The following MTFR1 variants were observed in gnomAD, a reference collection of about 807,000 sequenced individuals.
MTFR1 encodes chondrocyte protein with a poly-proline region.
Under a neutral mutation model 38.8 loss-of-function variants are expected in MTFR1, and 28 were observed. That is an observed-to-expected ratio of 0.72 (90% CI 0.53 to 0.99). The LOEUF is 0.99. MTFR1 is among the 50% of genes least tolerant of loss of function. The pLI, the probability that MTFR1 is intolerant of heterozygous loss-of-function variation, is 0.00. For synonymous variants in MTFR1, 145 were observed against 137.0 expected, an observed-to-expected ratio of 1.06 and a Z score of -0.41; for missense variants, 358 against 395.5, an observed-to-expected ratio of 0.91 and a Z score of 0.81.
intron 2 of MTFR1, among the ~76,000 whole-genome samples, chr8:65,680,327 T>C (rs1804841995): frequency 6.6e-6 from 1 of 152,102 alleles, no homozygotes; most frequent in African/African-American, 2.4e-5. Context: ...CACCCCTGGC[T>C]AAGTTTCCAA....
chr8:65,732,887 A>C (rs1401233700), intron 3 of MTFR1, among the ~76,000 whole-genome samples: 1 of 151,464 alleles, frequency 6.6e-6, no homozygotes, highest in East Asian at 1.9e-4. Context: ...TCTTTTTTTG[A>C]ATAAAAGAGA....
At chr8:65,660,065 G>A (rs984676031) in intron 1 of MTFR1, among the ~76,000 whole-genome samples, 13 of 152,112 alleles carry the variant, frequency 8.5e-5, no homozygotes, top group African/African-American at 2.7e-4. Context: ...TGAGGCTGGT[G>A]GATCACCTGA....
chr8:65,675,831 C>A (rs1804694897), intron 2 of MTFR1, among the ~76,000 whole-genome samples: 1 of 152,148 alleles, frequency 6.6e-6, no homozygotes, highest in Non-Finnish European at 1.5e-5. Flanking sequence ...TTTCCCTCAA[C>A]ATTTGTTTGA....
At chr8:65,717,198 C>T (rs554999999) in intron 2 of MTFR1, among the ~76,000 whole-genome samples, 2 of 152,284 alleles carry the variant, frequency 1.3e-5, no homozygotes, top group Admixed American at 6.5e-5. Flanking sequence ...GACATCAACA[C>T]TCTTCTGTAC....
intron 1 of MTFR1, among the ~76,000 whole-genome samples, chr8:65,647,832 T>C (rs1809003760): frequency 6.6e-6 from 1 of 152,118 alleles, no homozygotes; most frequent in Non-Finnish European, 1.5e-5. Flanking sequence ...ACTATAATCC[T>C]ACCCTTTAAA....
downstream of MTFR1, among the ~76,000 whole-genome samples, chr8:65,714,950 A>G (rs1179144048): frequency 6.6e-6 from 1 of 152,204 alleles, no homozygotes; most frequent in Non-Finnish European, 1.5e-5. Context: ...TACAGTGAGT[A>G]CAAATATTGA....
chr8:65,736,713 G>A (rs1268218804), intron 3 of MTFR1, among the ~76,000 whole-genome samples: 2 of 151,424 alleles, frequency 1.3e-5, no homozygotes, highest in Non-Finnish European at 2.9e-5. Context: ...TCACGCCACT[G>A]CACTCAAGCC....
intron 3 of MTFR1, among the ~76,000 whole-genome samples, chr8:65,764,122 A>C (rs1397037902): frequency 2.0e-5 from 3 of 152,232 alleles, no homozygotes; most frequent in Non-Finnish European, 2.9e-5. Context: ...AATCTCTACA[A>C]GCACCACTTT....
At chr8:65,661,593 C>T (rs922258899) in intron 1 of MTFR1, among the ~76,000 whole-genome samples, 1 of 152,056 alleles carries the variant, frequency 6.6e-6, no homozygotes, top group Non-Finnish European at 1.5e-5. Context: ...CCTGGCACTG[C>T]ACTTCAGCCT....
intron 4 of MTFR1, among the ~76,000 whole-genome samples, chr8:65,699,318 T>C (rs1805543337): frequency 1.3e-5 from 2 of 152,198 alleles, no homozygotes; most frequent in Non-Finnish European, 2.9e-5. Flanking sequence ...CTTGTGTCCT[T>C]TTGGTTAGAA....
chr8:65,710,591 A>G (rs535159101), downstream of MTFR1: 1 of 152,320 alleles, frequency 6.6e-6, no homozygotes, highest in East Asian at 1.9e-4. Context: ...TTCTTTTTTC[A>G]CAATAGGTAA....
chr8:65,688,233 C>A (rs1805156985), intron 3 of MTFR1, among the ~76,000 whole-genome samples: 2 of 151,196 alleles, frequency 1.3e-5, no homozygotes, highest in African/African-American at 4.9e-5. Flanking sequence ...AACCTCAACT[C>A]TATTAAAAAT....
At chr8:65,681,125 G>T (rs1487331885) in intron 2 of MTFR1, among the ~76,000 whole-genome samples, 3 of 151,534 alleles carry the variant, frequency 2.0e-5, no homozygotes, top group South Asian at 2.1e-4. Flanking sequence ...TGTTAGCCAG[G>T]ATGGTCTCGA....
Position 65,709,045 on chromosome 8 carries a change from T to C in MTFR1, c.*1T>C, listed in dbSNP as rs536677940. On this transcript the variant is annotated 3_prime_UTR_variant, in exon 8 of 8. Transcript: ENST00000262146. Reference sequence around the variant, plus strand: ...AATTGAAAATGTATCAGACTCCTAATAGACAATGAGCTGCGAAAAGACTCC... The same window carrying C: ...AATTGAAAATGTATCAGACTCCTAACAGACAATGAGCTGCGAAAAGACTCC... 29 of 1,613,908 alleles carry C rather than the reference T, an allele frequency of 1.8e-5. No individual in the cohort carries two copies. The African/African-American group carries it at 2.1e-4, about 12-fold the overall frequency.
chr8:65,664,470 G>A (rs1284661886), intron 1 of MTFR1, among the ~76,000 whole-genome samples: 1 of 152,088 alleles, frequency 6.6e-6, no homozygotes, highest in African/African-American at 2.4e-5. Flanking sequence ...TATTGACTCA[G>A]TTCTTAAACT....
intron 1 of MTFR1, among the ~76,000 whole-genome samples, chr8:65,663,134 G>T (rs556991350): frequency 6.8e-4 from 104 of 152,340 alleles, no homozygotes; most frequent in African/African-American, 2.4e-3. Flanking sequence ...TGGTTGCCGT[G>T]TCTGTGTAGA....
At chr8:65,767,269 T>C (rs1339402174) in intron 3 of MTFR1, among the ~76,000 whole-genome samples, 1 of 152,188 alleles carries the variant, frequency 6.6e-6, no homozygotes, top group Non-Finnish European at 1.5e-5. Flanking sequence ...ACCAGCATAG[T>C]ATGAACGTTT....
chr8:65,747,886 A>G (rs1407791791), intron 3 of MTFR1: 5 of 711,590 alleles, frequency 7.0e-6, no homozygotes, highest in Non-Finnish European at 4.4e-6. Context: ...TTAGTTATGT[A>G]CAAGTATTTT....
Position 65,710,238 on chromosome 8 carries a change from G to A in MTFR1, c.*1194G>A, listed in dbSNP as rs1805905529. 1 of 152,128 alleles carries A rather than the reference G, an allele frequency of 6.6e-6. No homozygotes were observed. The highest frequency in any genetic ancestry group is 1.9e-4 in the East Asian group (1 of 5,206). The allele number at this position is 152,128 out of a possible 1,614,324, so 9.4% of individuals were successfully genotyped here. A position where few individuals can be genotyped will look rare whatever the true frequency, so the allele number is the denominator to read the frequency against. ...TTCCTGGCTGGGAGTATTAGGAGAT[G>A]GGAGTAGAGATTCACTTTTAAGTTC... On this transcript the variant is annotated 3_prime_UTR_variant, in exon 8 of 8. Coordinates refer to ENST00000262146, the MANE Select transcript of MTFR1 (RefSeq NM_014637.4).
Sources: allele counts gnomAD v4.1 joint callset (sites outside exome capture counted in the v4.1 genomes callset), GRCh38; gene constraint gnomAD v4.1.1; transcripts MANE v1.5; gene names NCBI Gene and HGNC (gene_info 2026-07-23, HGNC 2026-07-21).